Variants in HORMAD2 observed in about 807,000 individuals in gnomAD.
The protein encoded by HORMAD2 is HORMA domain-containing protein 2.
A neutral mutation model predicts 38.8 loss-of-function variants in HORMAD2; 45 were observed. The observed-to-expected ratio is 1.16, with a 90% CI of 0.91 to 1.49. The LOEUF (loss-of-function observed/expected upper bound fraction) is 1.49. Among genes scored for constraint, HORMAD2 ranks in the 40% most tolerant of loss-of-function variants. The pLI, the probability that HORMAD2 is intolerant of heterozygous loss-of-function variation, is 0.00. For synonymous variants in HORMAD2, 126 were observed against 122.8 expected, an observed-to-expected ratio of 1.03 and a Z score of -0.17; for missense variants, 338 against 367.0, an observed-to-expected ratio of 0.92 and a Z score of 0.65.
Position 30,129,244 on chromosome 22 carries a change from AAAAAAAAAAAAAG to A in HORMAD2, c.819+7032_819+7044del, listed in dbSNP as rs1250941679. On this transcript the variant is annotated intron_variant, in intron 10 of 10. Coordinates refer to ENST00000336726, the MANE Select transcript of HORMAD2 (RefSeq NM_152510.4). ...AAAAAAAAAAAAAAAAAAAAAAAAAAAAAAAAAAAAAAGAGAGAGAGAGAATAAATAATGCCCT... is the reference window on the plus strand; with the variant it reads ...AAAAAAAAAAAAAAAAAAAAAAAAAAAGAGAGAGAGAATAAATAATGCCCT... 5.4e-3 allele frequency among the ~76,000 whole-genome samples: 254 copies of A among 47,108 alleles called. 31 individuals are homozygous for A. Among genetic ancestry groups the A allele is most frequent in the African/African-American group, 0.03 (246 of 8,176 alleles). The allele number at this position is 47,108 out of a possible 152,430, so 30.9% of individuals were successfully genotyped here.
At chr22:30,124,616 A>C (rs983411943) in intron 10 of HORMAD2, among the ~76,000 whole-genome samples, 3 of 152,128 alleles carry the variant, frequency 2.0e-5, no homozygotes, top group Non-Finnish European at 4.4e-5. Flanking sequence ...TACTCTGAGT[A>C]TTCTCCTTTA....
chr22:30,164,126 A>C (rs1000339322), intron 10 of HORMAD2, among the ~76,000 whole-genome samples: 1 of 152,214 alleles, frequency 6.6e-6, no homozygotes, highest in African/African-American at 2.4e-5. Context: ...CATGTATCAG[A>C]ATATCTTTCC....
At chr22:30,205,005 T>C in the HORMAD2 span, among the ~76,000 whole-genome samples, 1 of 151,944 alleles carries the variant, frequency 6.6e-6, no homozygotes, top group Admixed American at 6.6e-5. Context: ...GGCTCAAACA[T>C]GGAAATGTGG....
chr22:30,154,062 C>G (rs936356285), intron 10 of HORMAD2, among the ~76,000 whole-genome samples: 3 of 152,210 alleles, frequency 2.0e-5, no homozygotes, highest in Non-Finnish European at 4.4e-5. Context: ...CTGATCTGCT[C>G]TAGCCCAAGG....
chr22:30,163,570 G>T (rs1008562354), intron 10 of HORMAD2, among the ~76,000 whole-genome samples: 4 of 152,050 alleles, frequency 2.6e-5, no homozygotes, highest in Middle Eastern at 6.8e-3. Context: ...GGGATTACAG[G>T]CATGTACCAC....
In HORMAD2 at chr22:30,096,041, A is replaced by G. The variant is rs951605078; in HGVS notation, c.51+2038A>G. On this transcript the variant is annotated intron_variant, in intron 2 of 10. Transcript: ENST00000336726. Reference sequence around the variant, plus strand: ...CTTTATATAAATGAAATCATATACTAATACTCATTTGTATCTGGTTTCTTT... The same window carrying G: ...CTTTATATAAATGAAATCATATACTGATACTCATTTGTATCTGGTTTCTTT... Among the ~76,000 whole-genome samples the G allele has an allele frequency of 8.5e-5, 13 of 152,254 alleles. 1 individual carries two copies. In the East Asian group the frequency reaches 2.1e-3, roughly 25 times the overall value.
chr22:30,088,245 AC>A (rs2068619941), intron 1 of HORMAD2, among the ~76,000 whole-genome samples: 1 of 150,406 alleles, frequency 6.6e-6, no homozygotes. Flanking sequence ...ACACATATAT[AC>A]ATATACACAC....
chr22:30,084,242 T>C (rs1053644675), intron 1 of HORMAD2, among the ~76,000 whole-genome samples: 1 of 152,202 alleles, frequency 6.6e-6, no homozygotes, highest in African/African-American at 2.4e-5. Context: ...ATATGCATCT[T>C]GTAAGGACCT....
chr22:30,206,249 C>T, the HORMAD2 span, among the ~76,000 whole-genome samples: 1 of 152,146 alleles, frequency 6.6e-6, no homozygotes. Context: ...TCACTGCAAC[C>T]TCTGCCTCCT....
intron 5 of HORMAD2, among the ~76,000 whole-genome samples, chr22:30,110,424 CG>C: frequency 1.4e-5 from 2 of 138,438 alleles, no homozygotes; most frequent in South Asian, 4.5e-4. Flanking sequence ...CTCGCTCTGT[CG>C]CCCAGGCTGG....
intron 10 of HORMAD2, among the ~76,000 whole-genome samples, chr22:30,169,505 T>C (rs142270197): frequency 5.9e-5 from 9 of 152,320 alleles, no homozygotes; most frequent in Middle Eastern, 3.4e-3. Context: ...ATTTACCTCC[T>C]AAGTAGAGAT....
At chr22:30,196,413 G>A in the HORMAD2 span, among the ~76,000 whole-genome samples, 1 of 152,162 alleles carries the variant, frequency 6.6e-6, no homozygotes, top group Admixed American at 6.5e-5. Context: ...GAGAAACAGA[G>A]GTATCCTGTC....
intron 1 of HORMAD2, among the ~76,000 whole-genome samples, chr22:30,088,087 A>G (rs561784084): frequency 6.7e-6 from 1 of 149,048 alleles, no homozygotes; most frequent in South Asian, 2.1e-4. Flanking sequence ...ACACGTGTAC[A>G]TATACACACA....
chr22:30,111,987 G>A (rs1921699633), intron 6 of HORMAD2, among the ~76,000 whole-genome samples, 171 bp downstream of exon 6: 1 of 151,410 alleles, frequency 6.6e-6, no homozygotes, highest in Non-Finnish European at 1.5e-5. Flanking sequence ...ATTATGAATT[G>A]TATATTTCTT....
the HORMAD2 span, among the ~76,000 whole-genome samples, chr22:30,193,506 G>A: frequency 6.6e-6 from 1 of 152,286 alleles, no homozygotes; most frequent in African/African-American, 2.4e-5. Context: ...AGGGTCAGAA[G>A]GGACCTGCAT....
intron 1 of HORMAD2, among the ~76,000 whole-genome samples, chr22:30,085,014 C>T (rs2068545962): frequency 6.6e-6 from 1 of 151,952 alleles, no homozygotes. Context: ...AGCATGGTGG[C>T]AGTCGCCTGT....
At chr22:30,132,550 A>C (rs933297996) in intron 10 of HORMAD2, among the ~76,000 whole-genome samples, 14 of 151,882 alleles carry the variant, frequency 9.2e-5, no homozygotes, top group Admixed American at 2.0e-4. Flanking sequence ...AAAAAAAAAA[A>C]AACAAAACCA....
chr22:30,198,132 C>T, the HORMAD2 span, among the ~76,000 whole-genome samples: 8 of 152,118 alleles, frequency 5.3e-5, no homozygotes, highest in East Asian at 1.9e-4. Context: ...TGCAGTGAGC[C>T]GAGATCGAGC....
intron 1 of HORMAD2, among the ~76,000 whole-genome samples, chr22:30,089,553 A>T (rs1431889797): frequency 6.6e-6 from 1 of 152,038 alleles, no homozygotes; most frequent in Non-Finnish European, 1.5e-5. Flanking sequence ...GGATTTCACC[A>T]TGTTGGCCAG....
Sources: allele counts gnomAD v4.1 joint callset (sites outside exome capture counted in the v4.1 genomes callset), GRCh38; gene constraint gnomAD v4.1.1; transcripts MANE v1.5; gene names NCBI Gene and HGNC (gene_info 2026-07-23, HGNC 2026-07-21).